CACNG8: variants seen among roughly 807,000 people sequenced by gnomAD.
The protein encoded by CACNG8 is calcium voltage-gated channel auxiliary subunit gamma 8.
CACNG8 carries 5 observed loss-of-function variants against 26.9 expected under a neutral mutation model. That is an observed-to-expected ratio of 0.19 (90% CI 0.10 to 0.39). CACNG8 has a LOEUF of 0.39. Among genes scored for constraint, CACNG8 ranks in the 10% least tolerant of loss-of-function variants. The pLI is 1.00. For synonymous variants in CACNG8, 321 were observed against 296.7 expected, an observed-to-expected ratio of 1.08 and a Z score of -0.84; for missense variants, 473 against 609.4, an observed-to-expected ratio of 0.78 and a Z score of 2.36.
At position 53,982,931 on chromosome 19, in the gene CACNG8, C is replaced by A; in HGVS notation, c.*82C>A. On this transcript the variant is annotated 3_prime_UTR_variant, in exon 4 of 4. Transcript: ENST00000270458. The surrounding 1 kb of genome is among the most constrained non-coding windows in gnomAD (Gnocchi z 8.4). ...ATCGAGGCTGCCGGGGTCGGGGGCG[C>A]CCCCGCTTTCCCCCGTGAGCGCGCT... 5 of 916,396 alleles carry A rather than the reference C, an allele frequency of 5.5e-6. No individual in the cohort carries two copies. The South Asian group carries it at 1.9e-4, about 34-fold the overall frequency. 56.8% of individuals were successfully genotyped at this position (916,396 alleles called of 1,614,324 possible). A position where few individuals can be genotyped will look rare whatever the true frequency, so the allele number is the denominator to read the frequency against.
intron 1 of CACNG8, among the ~76,000 whole-genome samples, chr19:53,968,768 CAAAAAAAAAAAAA>C (rs34461203): frequency 4.0e-5 from 2 of 50,304 alleles, no homozygotes; most frequent in Non-Finnish European, 6.6e-5. Context: ...GACTCTATCT[CAAAAAAAAAAAAA>C]AAAAAAAAAA....
At position 53,982,908 on chromosome 19, in the gene CACNG8, C is replaced by A. The variant is rs1385223031; in HGVS notation, c.*59C>A. The A allele has an allele frequency of 4.4e-6, 5 of 1,147,332 alleles. No homozygotes were observed. The highest frequency in any genetic ancestry group is 3.0e-5 in the South Asian group (1 of 33,328). 71.1% of individuals were successfully genotyped at this position (1,147,332 alleles called of 1,614,324 possible). ...GGCGCGTGCGCGGGCGCGCGTGCAT[C>A]GAGGCTGCCGGGGTCGGGGGCGCCC... On this transcript the variant is annotated 3_prime_UTR_variant, in exon 4 of 4. Transcript: ENST00000270458. The surrounding 1 kb of genome is among the most constrained non-coding windows in gnomAD (Gnocchi z 8.4).
chr19:53,964,439 A>C (rs1190107425), intron 1 of CACNG8, among the ~76,000 whole-genome samples: 2 of 150,278 alleles, frequency 1.3e-5, no homozygotes, highest in African/African-American at 2.5e-5. Context: ...GTGCCCTCCA[A>C]CCTCCCATCC....
chr19:53,981,072 A>G (rs1310854110), intron 3 of CACNG8, among the ~76,000 whole-genome samples: 1 of 152,102 alleles, frequency 6.6e-6, no homozygotes, highest in Non-Finnish European at 1.5e-5. Flanking sequence ...TGGGGCCTAG[A>G]GTAGAAGGCG....
At chr19:53,972,011 GTC>G (rs2069305293) in intron 1 of CACNG8, among the ~76,000 whole-genome samples, 2 of 152,170 alleles carry the variant, frequency 1.3e-5, no homozygotes, top group South Asian at 4.1e-4. Context: ...TTCAGACGGA[GTC>G]TCTCTCTGTC....
chr19:53,971,771 C>A (rs1386866712), intron 1 of CACNG8, among the ~76,000 whole-genome samples: 1 of 152,166 alleles, frequency 6.6e-6, no homozygotes, highest in East Asian at 1.9e-4. Context: ...AGTGGCTCAG[C>A]CTGGACTACC....
Position 53,981,126 on chromosome 19 carries a change from G to A in CACNG8, c.509-954G>A, listed in dbSNP as rs2069364620. Among the ~76,000 whole-genome samples the A allele has an allele frequency of 2.6e-5, 4 of 152,268 alleles. No homozygotes were observed. In the South Asian group the frequency reaches 8.3e-4, roughly 32 times the overall value. The stretch of plus-strand genomic sequence containing the variant: ...GCAAATTTTTGACCAGTAGGGGAGG[G>A]CCTAGAATGGATACTCCGGCAGGAA... On this transcript the variant is annotated intron_variant, in intron 3 of 3. Coordinates refer to ENST00000270458, the MANE Select transcript of CACNG8 (RefSeq NM_031895.6).
chr19:53,966,698 G>A (rs1054469095), intron 1 of CACNG8, among the ~76,000 whole-genome samples: 6 of 152,166 alleles, frequency 3.9e-5, no homozygotes, highest in Non-Finnish European at 8.8e-5. Context: ...CCGGCCTCAC[G>A]GCTTCTTATA....
chr19:53,970,130 C>T (rs1390737409), intron 1 of CACNG8, among the ~76,000 whole-genome samples: 1 of 151,828 alleles, frequency 6.6e-6, no homozygotes, highest in Non-Finnish European at 1.5e-5. Context: ...TCCTGGCTAA[C>T]ACGGTGAAAC....
At chr19:53,981,648 C>G (rs962356794) in intron 3 of CACNG8, among the ~76,000 whole-genome samples, 4 of 152,126 alleles carry the variant, frequency 2.6e-5, no homozygotes, top group Admixed American at 2.6e-4. Context: ...AGGGCAGGGC[C>G]TGGACCACCT....
At chr19:53,964,740 T>C (rs1220191807) in intron 1 of CACNG8, among the ~76,000 whole-genome samples, 4 of 152,132 alleles carry the variant, frequency 2.6e-5, no homozygotes, top group Non-Finnish European at 5.9e-5. Flanking sequence ...TCAGTATTTC[T>C]TTCCTGAGTA....
chr19:53,965,868 CAGGTCTGAAGGAAGTAAGAGA>C (rs1488539765), intron 1 of CACNG8, among the ~76,000 whole-genome samples: 2 of 151,886 alleles, frequency 1.3e-5, no homozygotes, highest in African/African-American at 4.8e-5. Context: ...CATTTGATCA[CAGGTCTGAAGGAAGTAAGAGA>C]TGGAGGAAAG....
At chr19:53,964,217 C>T (rs1044021840) in intron 1 of CACNG8, among the ~76,000 whole-genome samples, 3 of 151,848 alleles carry the variant, frequency 2.0e-5, no homozygotes, top group Non-Finnish European at 4.4e-5. Context: ...ATTTCCCCCC[C>T]AGTCCTCTGA....
In CACNG8 at chr19:53,969,996, T is replaced by C. The variant is rs1464594879; in HGVS notation, c.283+6571T>C. Among the ~76,000 whole-genome samples the C allele has an allele frequency of 3.3e-5, 5 of 150,496 alleles. No individual in the cohort carries two copies. The East Asian group carries it at 9.9e-4, about 30-fold the overall frequency. On this transcript the variant is annotated intron_variant, in intron 1 of 3. Transcript: ENST00000270458. ...AATATACAAAAATATTAGCCAGGGC[T>C]GGTGGCAAGCGCCTGTAACCCCAGG... is the stretch of plus-strand genomic sequence containing the variant.
At chr19:53,980,464 G>C (rs895586704) in intron 3 of CACNG8, among the ~76,000 whole-genome samples, 1 of 152,100 alleles carries the variant, frequency 6.6e-6, no homozygotes, top group Non-Finnish European at 1.5e-5. Flanking sequence ...TTAAGGGGCG[G>C]GCCTTTGGAG....
intron 1 of CACNG8, among the ~76,000 whole-genome samples, chr19:53,972,055 C>T (rs2069305668): frequency 1.3e-5 from 2 of 151,712 alleles, no homozygotes. Context: ...AGTGCACTGG[C>T]GTGATATCGG....
chr19:53,979,201 C>T lies in CACNG8; in HGVS notation c.368-666C>T, dbSNP rs1254258566. Among the ~76,000 whole-genome samples the T allele has an allele frequency of 3.4e-3, 97 of 28,256 alleles. No individual in the cohort carries two copies. The Middle Eastern group carries it at 0.12, about 34-fold the overall frequency. 18.5% of individuals were successfully genotyped at this position (28,256 alleles called of 152,430 possible). ...GACAGATGAGGCCAGGCAGAAAAAG[C>T]GGGGTGGGGGGGGACCTATGAAGAC... On this transcript the variant is annotated intron_variant, in intron 2 of 3. Coordinates refer to ENST00000270458, the MANE Select transcript of CACNG8 (RefSeq NM_031895.6).
At chr19:53,964,425 C>G (rs993014149) in intron 1 of CACNG8, among the ~76,000 whole-genome samples, 3 of 152,032 alleles carry the variant, frequency 2.0e-5, no homozygotes, top group African/African-American at 7.3e-5. Flanking sequence ...TCTCTCCCAC[C>G]AGGGTGCCCT....
intron 1 of CACNG8, among the ~76,000 whole-genome samples, chr19:53,972,425 G>C (rs1278005198): frequency 7.7e-6 from 1 of 130,352 alleles, no homozygotes; most frequent in African/African-American, 2.9e-5. Context: ...GCAATGGTGT[G>C]ATCTCTGCTC....
Sources: allele counts gnomAD v4.1 joint callset (sites outside exome capture counted in the v4.1 genomes callset), GRCh38; gene constraint gnomAD v4.1.1; non-coding constraint Gnocchi (gnomAD v3.1); transcripts MANE v1.5; gene names NCBI Gene and HGNC (gene_info 2026-07-23, HGNC 2026-07-21).